Variants in HMOX1 observed in about 807,000 individuals in gnomAD.
HMOX1 encodes the protein heat shock protein, 32-kD.
In HMOX1, 22 loss-of-function variants were observed where a neutral mutation model predicts 27.8. That is an observed-to-expected ratio of 0.79 (90% CI 0.57 to 1.13). The LOEUF (loss-of-function observed/expected upper bound fraction) is 1.13, where lower values mean the gene tolerates loss of function less well. HMOX1 is among the 50% of genes most tolerant of loss of function. The pLI, the probability that HMOX1 is intolerant of heterozygous loss-of-function variation, is 0.00. For missense variants in HMOX1, 379 were observed against 377.7 expected (o/e 1.00, Z -0.03); for synonymous variants, 153 against 151.6 (o/e 1.01, Z -0.07).
chr22:35,383,246 T>A lies in HMOX1; in HGVS notation c.144+20T>A. The stretch of plus-strand genomic sequence containing the variant: ...TTCAAGGTATGTGGCTTGGTGGGAC[T>A]AGCCCTGGTGGAGGGTGTGGCAGGT... On this transcript the variant is annotated intron_variant, in intron 2 of 4. Transcript: ENST00000216117. The A allele has an allele frequency of 6.2e-7, 1 of 1,611,856 alleles. No homozygotes were observed. Among genetic ancestry groups the A allele is most frequent in the Non-Finnish European group, 8.5e-7 (1 of 1,178,464 alleles).
At chr22:35,388,193 A>G (rs1037341191) in intron 3 of HMOX1, among the ~76,000 whole-genome samples, 3 of 152,240 alleles carry the variant, frequency 2.0e-5, no homozygotes, top group Non-Finnish European at 4.4e-5. Context: ...GCTCGTGCCT[A>G]TAATACCAAC....
At position 35,392,841 on chromosome 22, in the gene HMOX1, C is replaced by T. The variant is rs185737605; in HGVS notation, c.737-627C>T. On this transcript the variant is annotated intron_variant, in intron 4 of 4. Coordinates refer to ENST00000216117, the MANE Select transcript of HMOX1 (RefSeq NM_002133.3). ...CAAGCAATTCTCTGCCTCAGCCTCC[C>T]GAGTAGCTGGGATTACTGGCACTCG... 8.3e-4 allele frequency among the ~76,000 whole-genome samples: 126 copies of T among 151,992 alleles called. 1 individual carries two copies. The East Asian group carries it at 0.021, about 26-fold the overall frequency.
In HMOX1 at chr22:35,383,296, A is replaced by C; in HGVS notation, c.144+70A>C. ...TGTGGGTGGACCCAAGGCTCAGACC[A>C]GTGGTTTAAGTGGGGATGCTGAGGG... On this transcript the variant is annotated intron_variant, in intron 2 of 4. Transcript: ENST00000216117. 3 of 1,556,886 alleles carry C rather than the reference A, an allele frequency of 1.9e-6. No individual in the cohort carries two copies. In the South Asian group the frequency reaches 3.4e-5, roughly 18 times the overall value.
At chr22:35,391,530 G>T (rs1166795877) in intron 4 of HMOX1, among the ~76,000 whole-genome samples, 1 of 146,958 alleles carries the variant, frequency 6.8e-6, no homozygotes, top group Non-Finnish European at 1.5e-5. Context: ...CTTGTGATCC[G>T]CCCGCCTCGG....
At position 35,393,721 on chromosome 22, in the gene HMOX1, C is replaced by A; in HGVS notation, c.*123C>A. On this transcript the variant is annotated 3_prime_UTR_variant, in exon 5 of 5. Transcript: ENST00000216117. ...ACTGAAGGCTTTCAGGGCCTCCAGC[C>A]CTCTCACTGTGTCCCTCTCTCTGGA... The A allele has an allele frequency of 8.8e-7, 1 of 1,138,530 alleles. No homozygotes were observed. The highest frequency in any genetic ancestry group is 1.3e-6 in the Non-Finnish European group (1 of 754,686). 70.5% of individuals were successfully genotyped at this position (1,138,530 alleles called of 1,614,324 possible). A position where few individuals can be genotyped will look rare whatever the true frequency, so the allele number is the denominator to read the frequency against.
intron 3 of HMOX1, among the ~76,000 whole-genome samples, chr22:35,389,221 C>CTTTT (rs1555901534): frequency 7.4e-6 from 1 of 135,008 alleles, no homozygotes; most frequent in Non-Finnish European, 1.5e-5. Context: ...TTCTCTCTTT[C>CTTTT]TTTCTTTCTT....
intron 1 of HMOX1, among the ~76,000 whole-genome samples, chr22:35,382,582 C>G (rs1056753087): frequency 6.7e-6 from 1 of 148,988 alleles, no homozygotes; most frequent in Non-Finnish European, 1.5e-5. Flanking sequence ...AGGCTGGGCT[C>G]AAACTCCTGG....
intron 3 of HMOX1, among the ~76,000 whole-genome samples, chr22:35,388,038 C>G (rs904527545): frequency 6.6e-6 from 1 of 151,686 alleles, no homozygotes; most frequent in Non-Finnish European, 1.5e-5. Flanking sequence ...CCGAGGTGGG[C>G]GGATTGCTTG....
intron 2 of HMOX1, among the ~76,000 whole-genome samples, chr22:35,384,987 C>G (rs576169114): frequency 6.6e-6 from 1 of 151,868 alleles, no homozygotes; most frequent in Non-Finnish European, 1.5e-5. Context: ...CTTTCTGTCC[C>G]CTCAAGGAAT....
At position 35,389,424 on chromosome 22, in the gene HMOX1, CTTT is replaced by C. The variant is rs1569057723; in HGVS notation, c.637-439_637-437del. 5.2e-5 allele frequency among the ~76,000 whole-genome samples: 4 copies of C among 77,266 alleles called. 1 individual carries two copies. The highest frequency in any genetic ancestry group is 1.4e-4 in the African/African-American group (2 of 14,814). 50.7% of individuals were successfully genotyped at this position (77,266 alleles called of 152,430 possible). Reference sequence around the variant, plus strand: ...TCTTTCTTTCTTTCTTTCTTTCTTTCTTTCTATCTTTCTTTCTTTCTTTCTTTT... The same window carrying C: ...TCTTTCTTTCTTTCTTTCTTTCTTTCCTATCTTTCTTTCTTTCTTTCTTTT... On this transcript the variant is annotated intron_variant, in intron 3 of 4. Transcript: ENST00000216117.
chr22:35,381,200 AGCGCGGG>A lies in HMOX1; in HGVS notation c.23+12_23+18del. 3.2e-6 allele frequency: 5 copies of A among 1,547,460 alleles called. No homozygotes were observed. Among genetic ancestry groups the A allele is most frequent in the Non-Finnish European group, 2.6e-6 (3 of 1,152,608 alleles). ...TGGAGCGTCCGCAACCCGACAGGCAAGCGCGGGGCGCGGGACGCGGGACGGGCGCCTT... is the reference window on the plus strand; with the variant it reads ...TGGAGCGTCCGCAACCCGACAGGCAAGCGCGGGACGCGGGACGGGCGCCTT... On this transcript the variant is annotated splice_donor_5th_base_variant and intron_variant, in intron 1 of 4. Transcript: ENST00000216117.
intron 3 of HMOX1, 91 bp downstream of exon 3, chr22:35,387,267 A>C: frequency 6.6e-7 from 1 of 1,505,566 alleles, no homozygotes; most frequent in Non-Finnish European, 9.2e-7. Flanking sequence ...GCTATAGGTC[A>C]TGGTTAACAC....
chr22:35,386,817 C>G lies in HMOX1; in HGVS notation c.277C>G (p.Leu93Val). The G allele has an allele frequency of 6.2e-7, 1 of 1,614,230 alleles. No individual in the cohort carries two copies. Among genetic ancestry groups the G allele is most frequent in the East Asian group, 2.2e-5 (1 of 44,888 alleles). ...LHRKAALEQDLAFWYGPRWQE... is the reference protein window; with the variant it reads ...LHRKAALEQDVAFWYGPRWQE... ...CCGCAAGGCTGCCCTGGAGCAGGAC[C>G]TGGCCTTCTGGTACGGGCCCCGCTG... The change falls in exon 3 of 5, where the codon CTG (leucine) becomes GTG (valine). Residue 93 changes from leucine (L) to valine (V), a missense_variant. Transcript: ENST00000216117.
intron 4 of HMOX1, among the ~76,000 whole-genome samples, chr22:35,391,646 T>C (rs1214588669): frequency 3.9e-5 from 5 of 129,252 alleles, no homozygotes; most frequent in African/African-American, 6.3e-5. Flanking sequence ...CAGTCTGGAG[T>C]GTAGTGGCAC....
At chr22:35,384,703 A>G (rs889695946) in intron 2 of HMOX1, among the ~76,000 whole-genome samples, 1 of 150,604 alleles carries the variant, frequency 6.6e-6, no homozygotes, top group African/African-American at 2.4e-5. Context: ...GTGAGCGCTA[A>G]GTGCCAGGCT....
At chr22:35,382,458 TCTC>T (rs1483336687) in intron 1 of HMOX1, among the ~76,000 whole-genome samples, 1 of 151,744 alleles carries the variant, frequency 6.6e-6, no homozygotes, top group Admixed American at 6.6e-5. Flanking sequence ...TTCAAGCGAT[TCTC>T]CTGCCTCAGC....
At position 35,386,897 on chromosome 22, in the gene HMOX1, C is replaced by A. The variant is rs541298817; in HGVS notation, c.357C>A (p.His119Gln). The change falls in exon 3 of 5, where the codon CAC becomes CAA. Residue 119 changes from histidine (H) to glutamine (Q), a missense_variant. Physicochemically the swap from His to Gln is conservative, Grantham distance 24. Coordinates refer to ENST00000216117, the MANE Select transcript of HMOX1 (RefSeq NM_002133.3). ...TGCAGCGCTATGTGAAGCGGCTCCA[C>A]GAGGTGGGGCGCACAGAGCCCGAGC... ...PAMQRYVKRLHEVGRTEPELL... is the reference protein window; with the variant it reads ...PAMQRYVKRLQEVGRTEPELL... 3 of 1,614,058 alleles carry A rather than the reference C, an allele frequency of 1.9e-6. No individual in the cohort carries two copies. Among genetic ancestry groups the A allele is most frequent in the Non-Finnish European group, 2.5e-6 (3 of 1,180,010 alleles).
chr22:35,385,807 G>A (rs1242779325), intron 2 of HMOX1, among the ~76,000 whole-genome samples: 4 of 151,442 alleles, frequency 2.6e-5, no homozygotes, highest in Non-Finnish European at 5.9e-5. Context: ...GTAGAGATAG[G>A]GTTTCACCAT....
At chr22:35,392,728 T>G (rs1931752447) in intron 4 of HMOX1, among the ~76,000 whole-genome samples, 1 of 151,502 alleles carries the variant, frequency 6.6e-6, no homozygotes, top group Admixed American at 6.6e-5. Context: ...TTTTTTTTTT[T>G]TTTTTTTGAA....
Sources: gnomAD v4.1 joint callset for allele counts (sites outside exome capture counted in the v4.1 genomes callset) on GRCh38, gnomAD v4.1.1 for gene constraint, MANE v1.5 for transcripts, NCBI Gene and HGNC (gene_info 2026-07-23, HGNC 2026-07-21) for gene names.